The following SMAD3 variants were observed in gnomAD, a reference collection of about 807,000 sequenced individuals.
SMAD3 encodes the protein MAD homolog 3.
Under a neutral mutation model 51.8 loss-of-function variants are expected in SMAD3, and 12 were observed. The observed-to-expected ratio is 0.23, with a 90% CI of 0.15 to 0.38. The LOEUF (loss-of-function observed/expected upper bound fraction) is 0.38. SMAD3 is among the 10% of genes least tolerant of loss of function. The pLI is 1.00. For synonymous variants in SMAD3, 238 were observed against 227.7 expected, an observed-to-expected ratio of 1.05 and a Z score of -0.41; for missense variants, 294 against 565.6, an observed-to-expected ratio of 0.52 and a Z score of 4.87.
At chr15:67,105,164 T>C (rs1381307911) in intron 1 of SMAD3, among the ~76,000 whole-genome samples, 1 of 152,236 alleles carries the variant, frequency 6.6e-6, no homozygotes, top group East Asian at 1.9e-4. Flanking sequence ...TGTGTGACCT[T>C]AGGCAAGTCA....
chr15:67,066,531 G>T (rs1273875844), intron 1 of SMAD3, among the ~76,000 whole-genome samples, 171 bp downstream of exon 1: 1 of 152,122 alleles, frequency 6.6e-6, no homozygotes, highest in Non-Finnish European at 1.5e-5. Context: ...GGGGTGGGGG[G>T]ACCCCAAACA....
chr15:67,122,462 A>C (rs190760866), intron 1 of SMAD3, among the ~76,000 whole-genome samples: 52 of 152,060 alleles, frequency 3.4e-4, no homozygotes, highest in African/African-American at 1.2e-3. Flanking sequence ...CTATCGGGGG[A>C]TTTATGGAGC....
chr15:67,071,704 C>G (rs559878475), intron 1 of SMAD3, among the ~76,000 whole-genome samples: 2 of 152,042 alleles, frequency 1.3e-5, no homozygotes, highest in African/African-American at 2.4e-5. Flanking sequence ...CCCAGCTACT[C>G]GGGAGGCTGA....
intron 1 of SMAD3, among the ~76,000 whole-genome samples, chr15:67,090,997 C>T (rs566369951): frequency 1.3e-5 from 2 of 152,278 alleles, no homozygotes; most frequent in South Asian, 4.1e-4. Context: ...TGTTAGAGTG[C>T]AGTGCAGGAA....
intron 1 of SMAD3, among the ~76,000 whole-genome samples, chr15:67,153,552 C>T (rs1309574838): frequency 1.3e-5 from 2 of 152,120 alleles, no homozygotes; most frequent in African/African-American, 4.8e-5. Flanking sequence ...TTTCCTTAGC[C>T]CAGGGGGATC....
chr15:67,108,761 G>T (rs546649265), intron 1 of SMAD3, among the ~76,000 whole-genome samples: 1 of 152,200 alleles, frequency 6.6e-6, no homozygotes, highest in East Asian at 1.9e-4. Flanking sequence ...CTCTGCACTG[G>T]GCTCGTTCTA....
intron 1 of SMAD3, among the ~76,000 whole-genome samples, chr15:67,113,339 G>A (rs950922581): frequency 6.6e-6 from 1 of 151,074 alleles, no homozygotes; most frequent in African/African-American, 2.4e-5. Context: ...ATCCACCCAT[G>A]TGGGCCTCCC....
chr15:67,165,944 A>T (rs1962576464), intron 3 of SMAD3: 1 of 163,128 alleles, frequency 6.1e-6, no homozygotes, highest in Non-Finnish European at 1.3e-5. Context: ...ATAACGTGTG[A>T]ATCACCAGCA....
At chr15:67,145,410 G>A (rs1486863060) in intron 1 of SMAD3, among the ~76,000 whole-genome samples, 1 of 152,170 alleles carries the variant, frequency 6.6e-6, no homozygotes, top group African/African-American at 2.4e-5. Flanking sequence ...CTCATTCTGT[G>A]CTCAAGGATG....
intron 1 of SMAD3, among the ~76,000 whole-genome samples, chr15:67,081,186 C>T (rs1960273024): frequency 6.6e-6 from 1 of 152,170 alleles, no homozygotes. Flanking sequence ...TTTGCTACCC[C>T]ACAGACACGC....
At chr15:67,107,226 G>T (rs1308504195) in intron 1 of SMAD3, among the ~76,000 whole-genome samples, 1 of 152,158 alleles carries the variant, frequency 6.6e-6, no homozygotes, top group African/African-American at 2.4e-5. Flanking sequence ...TTGGGCCTTG[G>T]ATGCCAAAGG....
intron 1 of SMAD3, among the ~76,000 whole-genome samples, chr15:67,090,294 C>CT (rs1960483336): frequency 6.6e-6 from 1 of 152,158 alleles, no homozygotes; most frequent in Non-Finnish European, 1.5e-5. Context: ...AAAATCCCAA[C>CT]TTTCCTGCTG....
At chr15:67,133,978 T>C (rs921148261) in intron 1 of SMAD3, among the ~76,000 whole-genome samples, 1 of 152,080 alleles carries the variant, frequency 6.6e-6, no homozygotes, top group Non-Finnish European at 1.5e-5. Flanking sequence ...GCTTGTCTGC[T>C]TGTGCCTTTA....
At chr15:67,163,012 C>T (rs751101235) in intron 1 of SMAD3, among the ~76,000 whole-genome samples, 3 of 151,906 alleles carry the variant, frequency 2.0e-5, no homozygotes, top group Non-Finnish European at 2.9e-5. Flanking sequence ...CTTGCTCTGT[C>T]GCCCAGGCTG....
Position 67,125,335 on chromosome 15 carries a change from G to T in SMAD3, c.207-39560G>T, listed in dbSNP as rs148800236. ...GTACGGAGAGCCTCTTTGAAGCGCT[G>T]TTGCCTTTCTGTGGCTAGATCCACG... On this transcript the variant is annotated intron_variant, in intron 1 of 8. Coordinates refer to ENST00000327367, the MANE Select transcript of SMAD3 (RefSeq NM_005902.4). 5.5e-4 allele frequency among the ~76,000 whole-genome samples: 84 copies of T among 152,358 alleles called. 1 individual carries two copies. Among genetic ancestry groups the T allele is most frequent in the African/African-American group, 1.9e-3 (78 of 41,584 alleles).
chr15:67,118,465 A>G (rs1961184565), intron 1 of SMAD3, among the ~76,000 whole-genome samples: 1 of 152,194 alleles, frequency 6.6e-6, no homozygotes, highest in Non-Finnish European at 1.5e-5. Context: ...GTAGAGTAAG[A>G]TCAGGACTGG....
At chr15:67,168,080 A>T (rs1440356938) in intron 4 of SMAD3, among the ~76,000 whole-genome samples, 2 of 152,212 alleles carry the variant, frequency 1.3e-5, no homozygotes, top group Non-Finnish European at 2.9e-5. Context: ...CAGCCTCCCA[A>T]GTAGCTGGGA....
chr15:67,151,792 C>A (rs762254991), intron 1 of SMAD3, among the ~76,000 whole-genome samples: 2 of 152,104 alleles, frequency 1.3e-5, no homozygotes, highest in Non-Finnish European at 2.9e-5. Flanking sequence ...GCATCTCCAT[C>A]CTGTCAAGCA....
At chr15:67,142,208 A>G (rs867727555) in intron 1 of SMAD3, among the ~76,000 whole-genome samples, 1 of 90,526 alleles carries the variant, frequency 1.1e-5, no homozygotes, top group Non-Finnish European at 2.2e-5. Context: ...CACCCCCCCC[A>G]CCATTGTTTC....
Sources: gnomAD v4.1 joint callset for allele counts (sites outside exome capture counted in the v4.1 genomes callset) on GRCh38, gnomAD v4.1.1 for gene constraint, MANE v1.5 for transcripts, NCBI Gene and HGNC (gene_info 2026-07-23, HGNC 2026-07-21) for gene names.